Variants in SF3A1 observed in about 807,000 individuals in gnomAD.
The protein encoded by SF3A1 is splicing factor 3a subunit 1.
In SF3A1, 13 loss-of-function variants were observed where a neutral mutation model predicts 89.9. The observed-to-expected ratio is 0.14, with a 90% CI of 0.09 to 0.23. The LOEUF (loss-of-function observed/expected upper bound fraction) is 0.23, where lower values mean the gene tolerates loss of function less well. Ranked by LOEUF, SF3A1 falls within the 10% of genes least tolerant of loss-of-function variation. The pLI is 1.00. For synonymous variants in SF3A1, 405 were observed against 374.4 expected, an observed-to-expected ratio of 1.08 and a Z score of -0.94; for missense variants, 604 against 1,022.1, an observed-to-expected ratio of 0.59 and a Z score of 5.58.
chr22:30,338,458 C>CAA (rs11442423), intron 11 of SF3A1, among the ~76,000 whole-genome samples: 115 of 119,852 alleles, frequency 9.6e-4, no homozygotes, highest in East Asian at 7.3e-3. Flanking sequence ...AACTTCATCT[C>CAA]AAAAAAAAAA....
intron 11 of SF3A1, 135 bp downstream of exon 11, chr22:30,338,654 G>A (rs1026389001): frequency 6.2e-5 from 68 of 1,096,256 alleles, no homozygotes; most frequent in Admixed American, 1.6e-4. Context: ...TGCATTTAAA[G>A]GGCTCTTTCT....
At position 30,332,608 on chromosome 22, in the gene SF3A1, G is replaced by A. The variant is rs754844290; in HGVS notation, c.*1986C>T. 6 of 152,232 alleles carry A rather than the reference G, an allele frequency of 3.9e-5. No individual in the cohort carries two copies. The allele number at this position is 152,232 out of a possible 1,614,324, so 9.4% of individuals were successfully genotyped here. ...GAGCAGCTTTGTATTATAAACACTA[G>A]GACGCTACCTACATGCTGCAGGTCC... is the stretch of plus-strand genomic sequence containing the variant. On this transcript the variant is annotated 3_prime_UTR_variant, in exon 16 of 16. Coordinates refer to ENST00000215793, the MANE Select transcript of SF3A1 (RefSeq NM_005877.6).
At position 30,340,576 on chromosome 22, in the gene SF3A1, G is replaced by A. The variant is rs1182415951; in HGVS notation, c.1189+119C>T. 5.0e-5 allele frequency: 42 copies of A among 840,812 alleles called. No individual in the cohort carries two copies. In the South Asian group the frequency reaches 6.2e-4, roughly 12 times the overall value. The allele number at this position is 840,812 out of a possible 1,614,324, so 52.1% of individuals were successfully genotyped here. A position where few individuals can be genotyped will look rare whatever the true frequency, so the allele number is the denominator to read the frequency against. On this transcript the variant is annotated intron_variant, in intron 8 of 15. Transcript: ENST00000215793. Reference sequence around the variant, plus strand: ...CATGAAACCTGTAACAGACGGGCTTGCAATGCTTTTACAATAAGCTGCACC... The same window carrying A: ...CATGAAACCTGTAACAGACGGGCTTACAATGCTTTTACAATAAGCTGCACC...
intron 11 of SF3A1, among the ~76,000 whole-genome samples, chr22:30,338,382 C>T (rs1168959182): frequency 2.0e-5 from 3 of 148,928 alleles, no homozygotes; most frequent in Non-Finnish European, 3.0e-5. Context: ...CACTTGAACT[C>T]GGGAGGCGGA....
At chr22:30,343,947 AAGAAG>A (rs1244993076) in intron 4 of SF3A1, among the ~76,000 whole-genome samples, 1 of 152,248 alleles carries the variant, frequency 6.6e-6, no homozygotes, top group Non-Finnish European at 1.5e-5. Context: ...TCTGGATATG[AAGAAG>A]AGATGTACAG....
chr22:30,339,796 G>T (rs1000637672), intron 9 of SF3A1, among the ~76,000 whole-genome samples: 1 of 152,180 alleles, frequency 6.6e-6, no homozygotes, highest in South Asian at 2.1e-4. Context: ...GTGAGTTAGA[G>T]AGGGCAACTG....
At chr22:30,350,335 A>G (rs1931553137) in intron 2 of SF3A1, among the ~76,000 whole-genome samples, 1 of 151,734 alleles carries the variant, frequency 6.6e-6, no homozygotes, top group African/African-American at 2.4e-5. Context: ...AAAAAAAATT[A>G]GCTGGGTGTG....
intron 2 of SF3A1, among the ~76,000 whole-genome samples, chr22:30,350,501 ACCT>A (rs919861919): frequency 3.6e-4 from 54 of 151,516 alleles, no homozygotes; most frequent in African/African-American, 1.3e-3. Context: ...AATGTTGGAA[ACCT>A]CCTCCTCTAA....
At chr22:30,335,824 T>A in intron 13 of SF3A1, 71 bp from the exon 14 acceptor site, 1 of 1,267,340 alleles carries the variant, frequency 7.9e-7, no homozygotes, top group Non-Finnish European at 1.2e-6. Flanking sequence ...CTGCTATCCC[T>A]AGGCCTGTCC....
At chr22:30,338,227 G>C (rs1214155879) in intron 11 of SF3A1, among the ~76,000 whole-genome samples, 3 of 152,126 alleles carry the variant, frequency 2.0e-5, no homozygotes, top group African/African-American at 7.2e-5. Flanking sequence ...GGGAAGCTAA[G>C]GCAGGCAGAT....
intron 13 of SF3A1, among the ~76,000 whole-genome samples, chr22:30,336,421 A>G (rs1931068440): frequency 6.6e-6 from 1 of 152,130 alleles, no homozygotes; most frequent in South Asian, 2.1e-4. Context: ...GCTACTCCGG[A>G]GGTTGAGGCA....
chr22:30,335,811 G>A, intron 13 of SF3A1, 58 bp from the exon 14 acceptor site: 1 of 1,382,718 alleles, frequency 7.2e-7, no homozygotes, highest in Non-Finnish European at 1.0e-6. Context: ...CAAGAACTAT[G>A]CTCTGCTATC....
chr22:30,334,042 A>G lies in SF3A1; in HGVS notation c.*552T>C, dbSNP rs1453037355. 1 of 152,296 alleles carries G rather than the reference A, an allele frequency of 6.6e-6. No homozygotes were observed. The highest frequency in any genetic ancestry group is 2.4e-5 in the African/African-American group (1 of 41,464). The allele number at this position is 152,296 out of a possible 1,614,324, so 9.4% of individuals were successfully genotyped here. A position where few individuals can be genotyped will look rare whatever the true frequency, so the allele number is the denominator to read the frequency against. ...ATACGAATATGATTCTAATACATAA[A>G]AAGTATGAGGGCAGCAAGAATTTAG... On this transcript the variant is annotated 3_prime_UTR_variant, in exon 16 of 16. Transcript: ENST00000215793.
chr22:30,337,281 G>T, intron 12 of SF3A1, 101 bp from the exon 13 acceptor site: 1 of 1,138,424 alleles, frequency 8.8e-7, no homozygotes, highest in Non-Finnish European at 1.2e-6. Flanking sequence ...GTTTCCTCTA[G>T]TCAGAGGTGT....
Position 30,356,724 on chromosome 22 carries a change from A to G in SF3A1, c.63+6T>C. The G allele has an allele frequency of 1.3e-6, 2 of 1,485,738 alleles. No individual in the cohort carries two copies. Among genetic ancestry groups the G allele is most frequent in the Non-Finnish European group, 1.8e-6 (2 of 1,113,454 alleles). The allele number at this position is 1,485,738 out of a possible 1,614,324, so 92.0% of individuals were successfully genotyped here. On this transcript the variant is annotated splice_donor_region_variant and intron_variant, in intron 1 of 15. Transcript: ENST00000215793. ...GGCTGCAGGCTGAGGGGCGGGGGAG[A>G]GGTACCTGTTTGGGCTCCGTGGGCA...
In SF3A1 at chr22:30,356,873, T is replaced by C. The variant is rs1231335049; in HGVS notation, c.-81A>G. The C allele has an allele frequency of 5.1e-6, 6 of 1,167,566 alleles. No individual in the cohort carries two copies. The Admixed American group carries it at 1.7e-4, about 33-fold the overall frequency. The allele number at this position is 1,167,566 out of a possible 1,614,324, so 72.3% of individuals were successfully genotyped here. On this transcript the variant is annotated 5_prime_UTR_variant, in exon 1 of 16. Transcript: ENST00000215793. The stretch of plus-strand genomic sequence containing the variant: ...CAAGACAGCCTCCCCGCTCGGTCAG[T>C]ACGACGAGCTCGCAAGATGGCGGCG...
intron 6 of SF3A1, 152 bp from the exon 7 acceptor site, chr22:30,342,037 G>A: frequency 8.5e-7 from 1 of 1,175,834 alleles, no homozygotes; most frequent in Non-Finnish European, 1.2e-6. Context: ...TTGAATCTAA[G>A]TTGGGCAAAG....
chr22:30,349,468 G>A (rs1480479419), intron 2 of SF3A1, among the ~76,000 whole-genome samples: 1 of 152,088 alleles, frequency 6.6e-6, no homozygotes, highest in Non-Finnish European at 1.5e-5. Flanking sequence ...TTTTAGTAGA[G>A]ACGAGGTTTC....
Position 30,332,501 on chromosome 22 carries a change from T to A in SF3A1, c.*2093A>T, listed in dbSNP as rs1219433356. 2 of 152,252 alleles carry A rather than the reference T, an allele frequency of 1.3e-5. No individual in the cohort carries two copies. The highest frequency in any genetic ancestry group is 6.5e-5 in the Admixed American group (1 of 15,282). The allele number at this position is 152,252 out of a possible 1,614,324, so 9.4% of individuals were successfully genotyped here. On this transcript the variant is annotated 3_prime_UTR_variant, in exon 16 of 16. Coordinates refer to ENST00000215793, the MANE Select transcript of SF3A1 (RefSeq NM_005877.6). ...CTTTCCAGAGCACTCACTGGCTACA[T>A]GACCTTGGGTATTCCACCTCGTTTT...
Sources: gnomAD v4.1 joint callset for allele counts (sites outside exome capture counted in the v4.1 genomes callset) on GRCh38, gnomAD v4.1.1 for gene constraint, MANE v1.5 for transcripts, NCBI Gene and HGNC (gene_info 2026-07-23, HGNC 2026-07-21) for gene names.